Variants in GLB1 observed in about 807,000 individuals in gnomAD.
GLB1 encodes the protein beta-galactosidase.
In GLB1, 56 loss-of-function variants were observed where a neutral mutation model predicts 74.0. The ratio of observed to expected loss-of-function variants is 0.76; its 90% CI spans 0.61 to 0.94. The LOEUF is 0.94. GLB1 is among the 40% of genes least tolerant of loss of function. The probability of loss-of-function intolerance (pLI) is 0.00; values close to 1 mark genes in which losing one functional copy is unlikely to be tolerated. For missense variants in GLB1, 787 were observed against 845.5 expected (o/e 0.93, Z 0.86); for synonymous variants, 323 against 323.6 (o/e 1.00, Z 0.02).
intron 10 of GLB1, among the ~76,000 whole-genome samples, chr3:33,029,866 G>T (rs1250848205): frequency 6.6e-6 from 1 of 150,910 alleles, no homozygotes; most frequent in African/African-American, 2.4e-5. Context: ...TATTACCTGG[G>T]TGACAAAATA....
downstream of GLB1, among the ~76,000 whole-genome samples, chr3:32,995,521 G>T (rs1024899393): frequency 5.3e-5 from 8 of 151,712 alleles, no homozygotes; most frequent in African/African-American, 1.9e-4. Context: ...TGTTTGTTTC[G>T]GCTCATCTAT....
At chr3:33,094,199 C>A (rs539031093) in intron 1 of GLB1, 1 of 1,592,788 alleles carries the variant, frequency 6.3e-7, no homozygotes, top group African/African-American at 1.3e-5. Context: ...TGGCCATTTT[C>A]TCTGCTCCTA....
intron 1 of GLB1, among the ~76,000 whole-genome samples, chr3:33,086,929 A>C (rs1177587377): frequency 6.6e-6 from 1 of 152,068 alleles, no homozygotes. Flanking sequence ...AAGCTAGCAA[A>C]AGGAAATAAA....
chr3:32,962,963 GAAC>G, the GLB1 span, among the ~76,000 whole-genome samples: 2 of 151,830 alleles, frequency 1.3e-5, no homozygotes, highest in Non-Finnish European at 2.9e-5. Flanking sequence ...ACATAAGAAT[GAAC>G]AACAACAAAA....
chr3:33,016,947 C>T lies in GLB1; in HGVS notation c.1348-107G>A, dbSNP rs560770425. The stretch of plus-strand genomic sequence containing the variant: ...CACTCATTTTCTTGCCTTGAAGTGT[C>T]ACCAGACTTGGAAAGAAATGCTTTG... On this transcript the variant is annotated intron_variant, in intron 13 of 15. Transcript: ENST00000307363. 4 of 1,525,494 alleles carry T rather than the reference C, an allele frequency of 2.6e-6. No individual in the cohort carries two copies. In the East Asian group the frequency reaches 9.3e-5, roughly 35 times the overall value. 94.5% of individuals were successfully genotyped at this position (1,525,494 alleles called of 1,614,324 possible). A position where few individuals can be genotyped will look rare whatever the true frequency, so the allele number is the denominator to read the frequency against.
intron 14 of GLB1, among the ~76,000 whole-genome samples, chr3:33,015,322 G>A (rs1368352150): frequency 6.6e-6 from 1 of 152,166 alleles, no homozygotes; most frequent in Non-Finnish European, 1.5e-5. Context: ...CACCTGTTAT[G>A]AGGGCCAAGT....
the GLB1 span, among the ~76,000 whole-genome samples, chr3:32,990,808 C>T: frequency 6.6e-6 from 1 of 152,024 alleles, no homozygotes. Context: ...CCCGTCTCTA[C>T]TAAAAAATAC....
chr3:33,092,932 A>T (rs747086872), intron 1 of GLB1: 1 of 1,614,210 alleles, frequency 6.2e-7, no homozygotes, highest in Non-Finnish European at 8.5e-7. Flanking sequence ...ACATACACGA[A>T]TGTAGCCTGG....
At chr3:33,033,317 T>A (rs1698132967) in intron 10 of GLB1, among the ~76,000 whole-genome samples, 1 of 152,240 alleles carries the variant, frequency 6.6e-6, no homozygotes, top group South Asian at 2.1e-4. Flanking sequence ...ATTACAATCT[T>A]AAACATTTAT....
chr3:32,995,840 G>A (rs1483045273), downstream of GLB1, among the ~76,000 whole-genome samples: 17 of 59,980 alleles, frequency 2.8e-4, no homozygotes, highest in African/African-American at 9.6e-4. Flanking sequence ...GCAAGACCCA[G>A]CCTCAAAAAA....
chr3:33,025,868 C>A (rs926033175), intron 10 of GLB1, among the ~76,000 whole-genome samples: 1 of 152,180 alleles, frequency 6.6e-6, no homozygotes, highest in African/African-American at 2.4e-5. Flanking sequence ...CTCCCAGGCC[C>A]GGAGCCTCTG....
In GLB1 at chr3:33,024,267, T is replaced by C. The variant is rs1368805468; in HGVS notation, c.1127A>G (p.Lys376Arg). The change falls in exon 11 of 16, where the codon AAG becomes AGG. Residue 376 changes from lysine (K) to arginine (R), a missense_variant. Lys to Arg is a conservative substitution (Grantham distance 26, BLOSUM62 2). Coordinates refer to ENST00000307363, the MANE Select transcript of GLB1 (RefSeq NM_000404.4). ...TTTTCTTACCTTTTCCAAAGTGACC[T>C]TTCCATATGCAAACTTTGGTGTAGA... ...PPSTPKFAYGKVTLEKLKTVG... is the reference protein window; with the variant it reads ...PPSTPKFAYGRVTLEKLKTVG... 6.2e-7 allele frequency: 1 copy of C among 1,613,046 alleles called. No individual in the cohort carries two copies. Among genetic ancestry groups the C allele is most frequent in the South Asian group, 1.1e-5 (1 of 90,928 alleles).
chr3:32,982,065 G>A, the GLB1 span, among the ~76,000 whole-genome samples: 3 of 152,142 alleles, frequency 2.0e-5, no homozygotes, highest in Non-Finnish European at 2.9e-5. Flanking sequence ...TGTAATCTCA[G>A]CACTTTGGGA....
chr3:32,967,713 C>G, the GLB1 span, among the ~76,000 whole-genome samples: 1 of 152,176 alleles, frequency 6.6e-6, no homozygotes, highest in African/African-American at 2.4e-5. Context: ...TGAATGGAGA[C>G]AACAGATTTA....
chr3:33,003,705 G>C (rs1236917821), intron 15 of GLB1, among the ~76,000 whole-genome samples: 1 of 152,190 alleles, frequency 6.6e-6, no homozygotes, highest in Non-Finnish European at 1.5e-5. Flanking sequence ...TTGAACAGAT[G>C]GCCCCAATTA....
At chr3:33,085,224 G>C (rs955982061) in intron 1 of GLB1, among the ~76,000 whole-genome samples, 5 of 143,716 alleles carry the variant, frequency 3.5e-5, no homozygotes, top group African/African-American at 1.3e-4. Flanking sequence ...GCAGTGAGTA[G>C]TGATGGTGCC....
intron 1 of GLB1, among the ~76,000 whole-genome samples, chr3:33,078,635 G>C (rs1225365345): frequency 6.6e-6 from 1 of 152,056 alleles, no homozygotes; most frequent in Non-Finnish European, 1.5e-5. Context: ...GGTATTAAAA[G>C]AAAGAAAGGG....
At chr3:32,992,984 G>A (rs546535140), downstream of GLB1, among the ~76,000 whole-genome samples, 2 of 152,186 alleles carry the variant, frequency 1.3e-5, no homozygotes. Flanking sequence ...ACATCGGGGC[G>A]ATTTTCCTTG....
chr3:33,029,214 T>G (rs1286388393), intron 10 of GLB1, among the ~76,000 whole-genome samples: 1 of 152,212 alleles, frequency 6.6e-6, no homozygotes, highest in Non-Finnish European at 1.5e-5. Context: ...TCTAAACCAT[T>G]ATTTTTCCAT....
Sources: allele counts gnomAD v4.1 joint callset (sites outside exome capture counted in the v4.1 genomes callset), GRCh38; gene constraint gnomAD v4.1.1; transcripts MANE v1.5; gene names NCBI Gene and HGNC (gene_info 2026-07-23, HGNC 2026-07-21).